The following ARID2 variants were observed in gnomAD, a reference collection of about 807,000 sequenced individuals.
The protein encoded by ARID2 is AT-rich interactive domain-containing protein 2.
In ARID2, 32 loss-of-function variants were observed where a neutral mutation model predicts 184.6. The ratio of observed to expected loss-of-function variants is 0.17; its 90% CI spans 0.13 to 0.23. ARID2 has a LOEUF of 0.23. Ranked by LOEUF, ARID2 falls within the 10% of genes least tolerant of loss-of-function variation. The probability of loss-of-function intolerance (pLI) is 1.00; values close to 1 mark genes in which losing one functional copy is unlikely to be tolerated. For synonymous variants in ARID2, 836 were observed against 772.6 expected (o/e 1.08, Z -1.36); for missense variants, 1,696 against 2,197.6 (o/e 0.77, Z 4.56).
chr12:45,818,826 A>G (rs971942066), intron 5 of ARID2, among the ~76,000 whole-genome samples: 1 of 152,110 alleles, frequency 6.6e-6, no homozygotes, highest in Non-Finnish European at 1.5e-5. Flanking sequence ...AATTTGGCAC[A>G]TATTTTATAT....
intron 3 of ARID2, among the ~76,000 whole-genome samples, chr12:45,809,088 C>A (rs536698280): frequency 6.6e-6 from 1 of 152,280 alleles, no homozygotes; most frequent in South Asian, 2.1e-4. Flanking sequence ...AATTTTAAAT[C>A]TACTGTACTA....
chr12:45,850,042 C>G lies in ARID2; in HGVS notation c.1919C>G (p.Pro640Arg), dbSNP rs766297187. The change falls in exon 15 of 21, where the codon CCT becomes CGT. Residue 640 changes from proline (P) to arginine (R), a missense_variant. Physicochemically the swap from Pro to Arg is moderately radical, Grantham distance 103 (BLOSUM62 -2). This residue lies in a region of ARID2 where 713 missense variants were observed against 824.4 expected (regional missense o/e 0.86). Transcript: ENST00000334344. ...GTTTTCTTCATATTTTCAGGAATCCCTCATGGATCACAAACCATAGGAAAC... is the reference window on the plus strand; with the variant it reads ...GTTTTCTTCATATTTTCAGGAATCCGTCATGGATCACAAACCATAGGAAAC... ...VSPAPSPAGI[P>R]HGSQTIGNHF... 23 of 1,604,764 alleles carry G rather than the reference C, an allele frequency of 1.4e-5. No individual in the cohort carries two copies. The highest frequency in any genetic ancestry group is 1.9e-5 in the Non-Finnish European group (22 of 1,174,776).
rs537468318 is a variant in ARID2, at chr12:45,780,831, G to A, written c.285-30587G>A. The stretch of plus-strand genomic sequence containing the variant: ...GATGGGGTTTCACTATGTTGGCCAG[G>A]CTGTTCTCGAACTCCTGACCTCAGG... On this transcript the variant is annotated intron_variant, in intron 3 of 20. Coordinates refer to ENST00000334344, the MANE Select transcript of ARID2 (RefSeq NM_152641.4). Among the ~76,000 whole-genome samples, 4 of 152,086 alleles carry A rather than the reference G, an allele frequency of 2.6e-5. No individual in the cohort carries two copies. In the South Asian group the frequency reaches 8.3e-4, roughly 32 times the overall value.
chr12:45,744,097 C>A (rs1026553761), intron 3 of ARID2, among the ~76,000 whole-genome samples: 2 of 151,732 alleles, frequency 1.3e-5, no homozygotes, highest in Non-Finnish European at 2.9e-5. Flanking sequence ...AAATTACTTT[C>A]TTTTGTCTAA....
rs367955941 is a variant in ARID2, at chr12:45,850,334, A to T, written c.2211A>T (p.Gly737=). The change falls in exon 15 of 21, where the codon GGA becomes GGT. Residue 737 remains glycine (G), a synonymous_variant. Transcript: ENST00000334344. The part of the protein sequence containing the change: ...GVPVSIAVGG[G]PPQSSVVQNH... ...CTGTTAGTATTGCTGTTGGAGGAGG[A>T]CCTCCACAGAGTTCTGTTGTTCAGA... 75 of 1,613,752 alleles carry T rather than the reference A, an allele frequency of 4.6e-5. No individual in the cohort carries two copies. Among genetic ancestry groups the T allele is most frequent in the Non-Finnish European group, 6.2e-5 (73 of 1,179,870 alleles).
chr12:45,855,083 T>TAG (rs1943622806), intron 15 of ARID2, among the ~76,000 whole-genome samples: 2 of 152,192 alleles, frequency 1.3e-5, no homozygotes, highest in African/African-American at 4.8e-5. Flanking sequence ...ACATATTGAT[T>TAG]ATTTGAGCTG....
chr12:45,811,528 A>G lies in ARID2; in HGVS notation c.395A>G (p.Asn132Ser). Residue 132 changes from asparagine (N) to serine (S), a missense_variant, in exon 4 of 21, where the codon AAT (asparagine) becomes AGT (serine). Physicochemically the swap from Asn to Ser is conservative, Grantham distance 46. Coordinates refer to ENST00000334344, the MANE Select transcript of ARID2 (RefSeq NM_152641.4). ...ATTGGTGCAATTCCATCTTCCTACA[A>G]TTACCAGCAACACAGTGTGTCGGGT... ...LPIGAIPSSY[N>S]YQQHSVSDYL... The G allele has an allele frequency of 6.2e-7, 1 of 1,613,888 alleles. No individual in the cohort carries two copies.
rs776178316 is a variant in ARID2 at position 45,850,866 on chromosome 12, A to G, written c.2743A>G (p.Ile915Val). ...TTCATCTACAGTGGTACAGCAGCCT[A>G]TTCAACAACCACAGCAGCCAACCCA... ...QVSSTVVQQPIQQPQQPTQQS... is the reference protein window; with the variant it reads ...QVSSTVVQQPVQQPQQPTQQS... Residue 915 changes from isoleucine to valine, a missense_variant, in exon 15 of 21, where the codon ATT (isoleucine) becomes GTT (valine). By Grantham distance (29) the Ile-to-Val change is conservative (BLOSUM62 3). Coordinates refer to ENST00000334344, the MANE Select transcript of ARID2 (RefSeq NM_152641.4). 2 of 1,614,124 alleles carry G rather than the reference A, an allele frequency of 1.2e-6. No individual in the cohort carries two copies. Among genetic ancestry groups the G allele is most frequent in the Non-Finnish European group, 1.7e-6 (2 of 1,180,008 alleles).
intron 3 of ARID2, among the ~76,000 whole-genome samples, chr12:45,757,151 C>G (rs1592057722): frequency 6.6e-6 from 1 of 152,274 alleles, no homozygotes; most frequent in Non-Finnish European, 1.5e-5. Flanking sequence ...GGATGATTGA[C>G]TAAGGACTGG....
intron 3 of ARID2, among the ~76,000 whole-genome samples, chr12:45,740,208 A>C (rs1941222615): frequency 6.6e-6 from 1 of 152,140 alleles, no homozygotes; most frequent in Non-Finnish European, 1.5e-5. Flanking sequence ...TAGTAGTAAA[A>C]ATATATGTGA....
chr12:45,865,892 A>C (rs775865077), intron 16 of ARID2, among the ~76,000 whole-genome samples: 1 of 152,150 alleles, frequency 6.6e-6, no homozygotes, highest in African/African-American at 2.4e-5. Context: ...TCTTAACAAA[A>C]GTGATTCCAC....
At chr12:45,739,143 G>GT (rs200159479) in intron 3 of ARID2, among the ~76,000 whole-genome samples, 2,397 of 151,716 alleles carry the variant, frequency 0.016, 31 homozygotes, top group South Asian at 0.049. Context: ...TAATTATTTT[G>GT]TTTTTTTGCT....
At chr12:45,846,827 T>A (rs765719650) in intron 11 of ARID2, 29 bp from the exon 12 acceptor site, 13 of 1,606,576 alleles carry the variant, frequency 8.1e-6, no homozygotes, top group Non-Finnish European at 9.4e-6. Context: ...TTTTAAGAAA[T>A]GATGTAGCTA....
At chr12:45,765,927 A>G (rs1031140800) in intron 3 of ARID2, among the ~76,000 whole-genome samples, 4 of 152,226 alleles carry the variant, frequency 2.6e-5, no homozygotes, top group African/African-American at 9.6e-5. Flanking sequence ...AAATGAAATC[A>G]TACAATTTGT....
At chr12:45,750,400 A>T (rs1207428728) in intron 3 of ARID2, among the ~76,000 whole-genome samples, 3 of 152,222 alleles carry the variant, frequency 2.0e-5, no homozygotes, top group African/African-American at 7.2e-5. Flanking sequence ...AATAATAATA[A>T]TGAAAAAGTT....
rs1944543091 is a variant in ARID2 at position 45,907,429 on chromosome 12, A to G, written c.*2351A>G. 4.3e-6 allele frequency: 1 copy of G among 233,286 alleles called. No individual in the cohort carries two copies. The highest frequency in any genetic ancestry group is 8.5e-6 in the Non-Finnish European group (1 of 117,908). 14.5% of individuals were successfully genotyped at this position (233,286 alleles called of 1,614,324 possible). On this transcript the variant is annotated 3_prime_UTR_variant, in exon 21 of 21. Coordinates refer to ENST00000334344, the MANE Select transcript of ARID2 (RefSeq NM_152641.4). ...CCATTCTTCCACCTCATTGAATTGC[A>G]TGCTGTAGTTCTAGCTTTTCTGCTA...
At chr12:45,833,142 C>T (rs1045653397) in intron 6 of ARID2, among the ~76,000 whole-genome samples, 1 of 152,010 alleles carries the variant, frequency 6.6e-6, no homozygotes, top group Non-Finnish European at 1.5e-5. Context: ...TGTATATTTT[C>T]TTTATTTGCA....
intron 3 of ARID2, among the ~76,000 whole-genome samples, chr12:45,793,317 T>C (rs765157507): frequency 6.7e-6 from 1 of 148,746 alleles, no homozygotes; most frequent in Non-Finnish European, 1.5e-5. Context: ...AAGACTTATT[T>C]TGTATTTTTA....
At chr12:45,736,607 A>G (rs1436664548) in intron 3 of ARID2, among the ~76,000 whole-genome samples, 2 of 152,190 alleles carry the variant, frequency 1.3e-5, no homozygotes, top group African/African-American at 4.8e-5. Context: ...GGAAGGACAT[A>G]GAGGATAAAT....
Sources: gnomAD v4.1 joint callset for allele counts (sites outside exome capture counted in the v4.1 genomes callset) on GRCh38, gnomAD v4.1.1 for gene constraint, gnomAD v4.1.1 regional missense constraint, MANE v1.5 for transcripts, NCBI Gene and HGNC (gene_info 2026-07-23, HGNC 2026-07-21) for gene names.